Variants in ELMO1 observed in about 807,000 individuals in gnomAD.
ELMO1 encodes engulfment and cell motility 1, also known as engulfment and cell motility protein 1.
Under a neutral mutation model 98.9 loss-of-function variants are expected in ELMO1, and 26 were observed. That is an observed-to-expected ratio of 0.26 (90% CI 0.19 to 0.36). ELMO1 has a LOEUF of 0.36. Among genes scored for constraint, ELMO1 ranks in the 10% least tolerant of loss-of-function variants. The probability of loss-of-function intolerance (pLI) is 1.00; values close to 1 mark genes in which losing one functional copy is unlikely to be tolerated. For missense variants in ELMO1, 627 were observed against 935.2 expected (o/e 0.67, Z 4.30); for synonymous variants, 346 against 346.0 (o/e 1.00, Z 0.00).
chr7:36,887,896 A>G (rs17170765), intron 17 of ELMO1, among the ~76,000 whole-genome samples: 20,877 of 152,202 alleles, frequency 0.14, 1,704 homozygotes, highest in East Asian at 0.34. Flanking sequence ...TCCACAAAAG[A>G]ACCAGCTACT....
chr7:37,386,761 G>A (rs549962244), intron 1 of ELMO1, among the ~76,000 whole-genome samples: 13 of 152,280 alleles, frequency 8.5e-5, no homozygotes, highest in African/African-American at 2.9e-4. Flanking sequence ...AGAGTTCTCG[G>A]TTTCAACAAA....
intron 19 of ELMO1, among the ~76,000 whole-genome samples, chr7:36,871,961 T>G (rs772894988): frequency 1.1e-4 from 16 of 152,148 alleles, no homozygotes; most frequent in Non-Finnish European, 1.3e-4. Context: ...GGAATCTCTG[T>G]AGGTTCCCCT....
Position 37,133,253 on chromosome 7 carries a change from C to A in ELMO1, c.1087-19G>T. The A allele has an allele frequency of 6.3e-7, 1 of 1,587,764 alleles. No homozygotes were observed. The highest frequency in any genetic ancestry group is 1.1e-5 in the South Asian group (1 of 88,396). ...CATGATTCTGTGAGTAAAACAAAAT[C>A]ATGATAAGGTGAATTCTTCAGCAGA... On this transcript the variant is annotated intron_variant, in intron 13 of 21. Coordinates refer to ENST00000310758, the MANE Select transcript of ELMO1 (RefSeq NM_014800.11).
chr7:36,912,568 T>C (rs1784413618), intron 16 of ELMO1, among the ~76,000 whole-genome samples: 1 of 152,204 alleles, frequency 6.6e-6, no homozygotes, highest in Admixed American at 6.5e-5. Flanking sequence ...CCTTAGGATG[T>C]TTCAGGTATC....
At chr7:37,096,570 G>C in intron 15 of ELMO1, 49 bp downstream of exon 15, 3 of 1,537,688 alleles carry the variant, frequency 2.0e-6, no homozygotes, top group Non-Finnish European at 2.7e-6. Flanking sequence ...AACCCTGGAA[G>C]CTGGGACTCT....
intron 15 of ELMO1, among the ~76,000 whole-genome samples, chr7:37,064,991 G>C (rs1796877269): frequency 1.3e-5 from 2 of 152,096 alleles, no homozygotes. Flanking sequence ...TACCAAACTT[G>C]CTGAAAATAA....
chr7:36,891,015 T>A (rs1289487973), intron 17 of ELMO1, among the ~76,000 whole-genome samples: 1 of 152,214 alleles, frequency 6.6e-6, no homozygotes, highest in Non-Finnish European at 1.5e-5. Context: ...AATACCCACA[T>A]GGCCTGCTCC....
intron 16 of ELMO1, among the ~76,000 whole-genome samples, chr7:36,962,373 T>C (rs897860930): frequency 6.6e-6 from 1 of 152,156 alleles, no homozygotes; most frequent in African/African-American, 2.4e-5. Context: ...GGCAGGGGAA[T>C]GCATCATGAG....
intron 2 of ELMO1, among the ~76,000 whole-genome samples, chr7:37,328,662 C>T (rs1176583457): frequency 6.6e-6 from 1 of 152,102 alleles, no homozygotes; most frequent in Non-Finnish European, 1.5e-5. Context: ...TTAGCATCAC[C>T]ATATGAATAG....
At chr7:36,856,051 C>T (rs1802174158) in intron 21 of ELMO1, among the ~76,000 whole-genome samples, 1 of 152,224 alleles carries the variant, frequency 6.6e-6, no homozygotes, top group African/African-American at 2.4e-5. Context: ...GAATGCTTCT[C>T]TGTAACAGCT....
At chr7:36,934,176 G>A (rs1366369942) in intron 16 of ELMO1, among the ~76,000 whole-genome samples, 3 of 152,162 alleles carry the variant, frequency 2.0e-5, no homozygotes, top group African/African-American at 7.2e-5. Context: ...GCAAGAAACG[G>A]ACTGTGGCGA....
intron 5 of ELMO1, among the ~76,000 whole-genome samples, chr7:37,260,265 G>C (rs559116571): frequency 6.6e-6 from 1 of 152,232 alleles, no homozygotes; most frequent in East Asian, 1.9e-4. Flanking sequence ...TCTCCTTCTC[G>C]GGTACTTGCT....
chr7:37,187,086 A>C (rs1791250100), intron 13 of ELMO1, among the ~76,000 whole-genome samples: 1 of 152,206 alleles, frequency 6.6e-6, no homozygotes, highest in South Asian at 2.1e-4. Context: ...CAGATAAATA[A>C]AATGTGGGAT....
At chr7:37,163,797 T>A (rs1280100124) in intron 13 of ELMO1, among the ~76,000 whole-genome samples, 1 of 152,086 alleles carries the variant, frequency 6.6e-6, no homozygotes. Context: ...GCAATAAACA[T>A]ACGTGTGCAT....
intron 15 of ELMO1, among the ~76,000 whole-genome samples, chr7:37,056,557 TA>T (rs745566988): frequency 1.4e-4 from 22 of 152,310 alleles, no homozygotes; most frequent in Admixed American, 2.6e-4. Flanking sequence ...CATGGAAAAT[TA>T]AAGAAGCATA....
chr7:36,974,049 G>A (rs1790258578), intron 16 of ELMO1, among the ~76,000 whole-genome samples: 1 of 152,230 alleles, frequency 6.6e-6, no homozygotes, highest in African/African-American at 2.4e-5. Context: ...TGTGCGTCTG[G>A]AGCCTCCCTG....
chr7:37,119,121 C>G (rs1349451497), intron 14 of ELMO1, among the ~76,000 whole-genome samples: 1 of 152,148 alleles, frequency 6.6e-6, no homozygotes, highest in African/African-American at 2.4e-5. Flanking sequence ...AATGAAAATA[C>G]TCAGCTTAGT....
At chr7:36,962,230 C>T (rs773509176) in intron 16 of ELMO1, among the ~76,000 whole-genome samples, 18 of 152,152 alleles carry the variant, frequency 1.2e-4, no homozygotes, top group Non-Finnish European at 2.1e-4. Context: ...ACTGAAATCA[C>T]AGGGGAAGTT....
intron 15 of ELMO1, among the ~76,000 whole-genome samples, chr7:37,094,536 C>T (rs977900167): frequency 5.3e-5 from 8 of 152,126 alleles, no homozygotes; most frequent in African/African-American, 1.7e-4. Flanking sequence ...GACTACCTGC[C>T]CAGATTCTTG....
Sources: gnomAD v4.1 joint callset for allele counts (sites outside exome capture counted in the v4.1 genomes callset) on GRCh38, gnomAD v4.1.1 for gene constraint, MANE v1.5 for transcripts, NCBI Gene and HGNC (gene_info 2026-07-23, HGNC 2026-07-21) for gene names.